PRKCH: variants seen among roughly 807,000 people sequenced by gnomAD.
PRKCH encodes protein kinase C eta.
A neutral mutation model predicts 82.5 loss-of-function variants in PRKCH; 28 were observed. The observed-to-expected ratio is 0.34, with a 90% CI of 0.25 to 0.47. The LOEUF (loss-of-function observed/expected upper bound fraction) is 0.47, where lower values mean the gene tolerates loss of function less well. Ranked by LOEUF, PRKCH falls within the 20% of genes least tolerant of loss-of-function variation. PRKCH has a pLI of 1.00. For synonymous variants in PRKCH, 322 were observed against 327.4 expected, an observed-to-expected ratio of 0.98 and a Z score of 0.18; for missense variants, 705 against 881.8, an observed-to-expected ratio of 0.80 and a Z score of 2.54.
At chr14:61,328,977 C>T (rs972071037) in intron 1 of PRKCH, among the ~76,000 whole-genome samples, 6 of 150,830 alleles carry the variant, frequency 4.0e-5, no homozygotes, top group Admixed American at 2.6e-4. Context: ...CAGAGCAAAA[C>T]CCTGTCTCAA....
At chr14:61,225,087 A>G (rs565537951) in intron 1 of PRKCH, among the ~76,000 whole-genome samples, 2 of 152,244 alleles carry the variant, frequency 1.3e-5, no homozygotes, top group African/African-American at 4.8e-5. Context: ...GGTGAGCACC[A>G]TACCCTCTAG....
At chr14:61,325,309 G>A (rs2045679848) in intron 1 of PRKCH, among the ~76,000 whole-genome samples, 1 of 152,200 alleles carries the variant, frequency 6.6e-6, no homozygotes. Context: ...TCTAGGAATA[G>A]ATCCACACAT....
intron 10 of PRKCH, among the ~76,000 whole-genome samples, chr14:61,492,799 T>C (rs1886508297): frequency 6.6e-6 from 1 of 152,162 alleles, no homozygotes; most frequent in Admixed American, 6.5e-5. Flanking sequence ...GTTCCAAAAT[T>C]GGAGTTTTCC....
chr14:61,462,519 G>A (rs17098408), intron 9 of PRKCH, among the ~76,000 whole-genome samples: 2,165 of 152,312 alleles, frequency 0.014, 65 homozygotes, highest in East Asian at 0.081. Context: ...AGTACACATA[G>A]CATTTGCTCG....
At chr14:61,514,841 C>G (rs1333994323) in intron 10 of PRKCH, among the ~76,000 whole-genome samples, 1 of 152,154 alleles carries the variant, frequency 6.6e-6, no homozygotes, top group African/African-American at 2.4e-5. Flanking sequence ...CATATAACAG[C>G]CCAGACGGGA....
intron 10 of PRKCH, among the ~76,000 whole-genome samples, chr14:61,497,001 A>C (rs947013381): frequency 1.3e-5 from 2 of 152,152 alleles, no homozygotes; most frequent in Non-Finnish European, 2.9e-5. Flanking sequence ...TTTTTAAATA[A>C]ATGAAAGCCT....
intron 1 of PRKCH, among the ~76,000 whole-genome samples, chr14:61,215,721 T>C (rs900597886): frequency 3.3e-5 from 5 of 152,226 alleles, no homozygotes; most frequent in Non-Finnish European, 7.3e-5. Flanking sequence ...CTTTCAGGGC[T>C]TGCCATGTTT....
intron 1 of PRKCH, among the ~76,000 whole-genome samples, chr14:61,343,202 C>CA (rs1423769797): frequency 6.6e-6 from 1 of 152,036 alleles, no homozygotes; most frequent in African/African-American, 2.4e-5. Flanking sequence ...ACTGATAAAT[C>CA]AAAGGACTGG....
rs558432962 is a variant in PRKCH at position 61,223,178 on chromosome 14, C to T, written c.-19+35510C>T. Among the ~76,000 whole-genome samples, 11 of 152,236 alleles carry T rather than the reference C, an allele frequency of 7.2e-5. No individual in the cohort carries two copies. The South Asian group carries it at 1.0e-3, about 14-fold the overall frequency. ...GGACATTCAGTCTTTCCCATTTAAACGGCTTCAACCCAGGAAAGGATCCAG... is the reference window on the plus strand; with the variant it reads ...GGACATTCAGTCTTTCCCATTTAAATGGCTTCAACCCAGGAAAGGATCCAG... On this transcript the variant is annotated intron_variant, in intron 1 of 3. Transcript: ENST00000555185.
chr14:61,359,644 C>A (rs779884365), intron 1 of PRKCH, among the ~76,000 whole-genome samples: 2 of 152,176 alleles, frequency 1.3e-5, no homozygotes, highest in Non-Finnish European at 2.9e-5. Context: ...GACTGACCTA[C>A]TTTAGAGGCT....
intron 1 of PRKCH, among the ~76,000 whole-genome samples, chr14:61,197,209 T>C (rs1442344817): frequency 1.3e-5 from 2 of 152,242 alleles, no homozygotes; most frequent in Non-Finnish European, 2.9e-5. Flanking sequence ...AATTTGACAA[T>C]GTTCAAAACA....
At chr14:61,369,050 C>T (rs768843956) in intron 1 of PRKCH, among the ~76,000 whole-genome samples, 1 of 151,996 alleles carries the variant, frequency 6.6e-6, no homozygotes, top group Non-Finnish European at 1.5e-5. Context: ...TCTCCTTTAC[C>T]CTCTTTGCCC....
At chr14:61,457,106 G>A (rs2140295183) in intron 7 of PRKCH, 70 bp from the exon 8 acceptor site, 1 of 1,549,746 alleles carries the variant, frequency 6.5e-7, no homozygotes. Context: ...AGCCAATAAG[G>A]TCTTCTTCGT....
chr14:61,322,244 GCGTGGA>G lies in PRKCH; in HGVS notation c.145_150del (p.Val49_Asp50del). ...CTGCTGGACCCCTATCTGACGGTGA[GCGTGGA>G]CCAGGTGCGCGTGGGCCAGACCAGC... is the stretch of plus-strand genomic sequence containing the variant. On this transcript the variant is annotated inframe_deletion, in exon 1 of 14. Transcript: ENST00000332981. 3 of 1,613,488 alleles carry G rather than the reference GCGTGGA, an allele frequency of 1.9e-6. No homozygotes were observed. The highest frequency in any genetic ancestry group is 2.5e-6 in the Non-Finnish European group (3 of 1,179,892).
At position 61,549,858 on chromosome 14, in the gene PRKCH, C is replaced by T. The variant is rs1262732103; in HGVS notation, c.*27C>T. On this transcript the variant is annotated 3_prime_UTR_variant, in exon 14 of 14. Transcript: ENST00000332981. ...CTTATGGGGAGTGAGAGAGAGGGCA[C>T]GAGAACCCAAAGGGAATAGAGATTC... 2.5e-6 allele frequency: 4 copies of T among 1,606,544 alleles called. No individual in the cohort carries two copies. The highest frequency in any genetic ancestry group is 2.7e-5 in the African/African-American group (2 of 74,458).
At chr14:61,454,990 C>G (rs1157407600) in intron 7 of PRKCH, among the ~76,000 whole-genome samples, 3 of 151,962 alleles carry the variant, frequency 2.0e-5, no homozygotes, top group African/African-American at 7.3e-5. Context: ...TTCCTTTTTA[C>G]TGAAGGACTC....
intron 1 of PRKCH, among the ~76,000 whole-genome samples, chr14:61,371,770 G>A (rs2046366753): frequency 6.6e-6 from 1 of 151,980 alleles, no homozygotes; most frequent in Non-Finnish European, 1.5e-5. Flanking sequence ...GTACTCTTGG[G>A]AAGGAAGTCA....
At chr14:61,315,753 A>ATTTT (rs3028702) in intron 1 of PRKCH, among the ~76,000 whole-genome samples, 3,979 of 143,228 alleles carry the variant, frequency 0.028, 122 homozygotes, top group East Asian at 0.066. Flanking sequence ...TATTTACTGG[A>ATTTT]TTTTTTTTTT....
intron 10 of PRKCH, chr14:61,492,263 A>T (rs1185241919): frequency 6.6e-6 from 1 of 152,248 alleles, no homozygotes; most frequent in Non-Finnish European, 1.5e-5. Context: ...TTTGAAGGTT[A>T]GGTAAGGCCG....
Sources: gnomAD v4.1 joint callset for allele counts (sites outside exome capture counted in the v4.1 genomes callset) on GRCh38, gnomAD v4.1.1 for gene constraint, MANE v1.5 for transcripts, NCBI Gene and HGNC (gene_info 2026-07-23, HGNC 2026-07-21) for gene names.